The following NOVA1 variants were observed in gnomAD, a reference collection of about 807,000 sequenced individuals.
The protein encoded by NOVA1 is RNA-binding protein Nova-1.
In NOVA1, 7 loss-of-function variants were observed where a neutral mutation model predicts 38.0. That is an observed-to-expected ratio of 0.18 (90% confidence interval 0.10 to 0.35). The LOEUF is 0.35. Ranked by LOEUF, NOVA1 falls within the 10% of genes least tolerant of loss-of-function variation. The pLI is 1.00. For synonymous variants in NOVA1, 270 were observed against 232.5 expected (o/e 1.16, Z -1.47); for missense variants, 460 against 616.0 (o/e 0.75, Z 2.68).
chr14:26,491,446 C>G (rs2138356209), intron 2 of NOVA1, among the ~76,000 whole-genome samples: 1 of 152,224 alleles, frequency 6.6e-6, no homozygotes, highest in East Asian at 1.9e-4. Flanking sequence ...CTTTGATGCA[C>G]AGAAGTTTTA....
At chr14:26,450,210 A>T (rs1231734077) in intron 4 of NOVA1, among the ~76,000 whole-genome samples, 1 of 152,128 alleles carries the variant, frequency 6.6e-6, no homozygotes, top group Non-Finnish European at 1.5e-5. Context: ...TCATTAGCTA[A>T]TTTTTAGCAA....
intron 2 of NOVA1, chr14:26,593,290 C>G (rs1893973686): frequency 6.6e-6 from 1 of 151,716 alleles, no homozygotes; most frequent in Non-Finnish European, 1.5e-5. Context: ...TTGAAGAATA[C>G]CGGGATCTTA....
chr14:26,556,862 C>G (rs538797187), intron 2 of NOVA1, among the ~76,000 whole-genome samples: 1 of 152,054 alleles, frequency 6.6e-6, no homozygotes, highest in Non-Finnish European at 1.5e-5. Context: ...AAAAAGCGTA[C>G]GAAAAGATGC....
rs77021748 is a variant in NOVA1, at chr14:26,497,542, T to C, written c.281-17399A>G. 1.2e-4 allele frequency among the ~76,000 whole-genome samples: 19 copies of C among 152,316 alleles called. No individual in the cohort carries two copies. The East Asian group carries it at 3.5e-3, about 28-fold the overall frequency. ...GGATTATCACATAATGCTCCCTTACTGAAATGTATTAATGAATATACCTAC... is the reference window on the plus strand; with the variant it reads ...GGATTATCACATAATGCTCCCTTACCGAAATGTATTAATGAATATACCTAC... On this transcript the variant is annotated intron_variant, in intron 2 of 4. Coordinates refer to ENST00000539517, the MANE Select transcript of NOVA1 (RefSeq NM_002515.3).
intron 2 of NOVA1, chr14:26,593,227 T>C (rs1893968842): frequency 6.6e-6 from 1 of 151,832 alleles, no homozygotes; most frequent in East Asian, 1.9e-4. Flanking sequence ...ACAAGGTAAG[T>C]GTCCCTTACG....
chr14:26,478,582 A>C (rs1885180503), intron 3 of NOVA1, among the ~76,000 whole-genome samples: 1 of 151,972 alleles, frequency 6.6e-6, no homozygotes, highest in Non-Finnish European at 1.5e-5. Flanking sequence ...ACTCTGATTA[A>C]AGTCACAGTA....
intron 2 of NOVA1, among the ~76,000 whole-genome samples, chr14:26,514,139 T>A (rs1023607712): frequency 6.6e-6 from 1 of 151,724 alleles, no homozygotes; most frequent in Admixed American, 6.6e-5. Context: ...ACATTTAACA[T>A]TAGATAAATA....
intron 4 of NOVA1, among the ~76,000 whole-genome samples, chr14:26,461,058 T>C (rs563960967): frequency 2.6e-5 from 4 of 152,316 alleles, no homozygotes; most frequent in African/African-American, 9.6e-5. Flanking sequence ...CAAGAATTAC[T>C]GCAGCTATGG....
At chr14:26,574,023 C>CAT (rs1555330425) in intron 2 of NOVA1, among the ~76,000 whole-genome samples, 1 of 121,084 alleles carries the variant, frequency 8.3e-6, no homozygotes, top group African/African-American at 3.4e-5. Context: ...AAAGATTACA[C>CAT]TTTTTTTTTT....
intron 2 of NOVA1, among the ~76,000 whole-genome samples, chr14:26,516,224 A>G (rs373869862): frequency 1.3e-5 from 2 of 152,186 alleles, no homozygotes; most frequent in South Asian, 4.1e-4. Flanking sequence ...TGTTTGGCCA[A>G]TTTTTTATTG....
At chr14:26,523,006 C>T (rs1416071288) in intron 2 of NOVA1, among the ~76,000 whole-genome samples, 2 of 152,054 alleles carry the variant, frequency 1.3e-5, no homozygotes, top group Admixed American at 6.5e-5. Context: ...TATTCTCATC[C>T]GTAGTTGTTC....
At chr14:26,457,787 C>T (rs944359300) in intron 4 of NOVA1, among the ~76,000 whole-genome samples, 1 of 152,114 alleles carries the variant, frequency 6.6e-6, no homozygotes, top group African/African-American at 2.4e-5. Context: ...ATTGTCATCA[C>T]AGGAGAGGAT....
intron 2 of NOVA1, among the ~76,000 whole-genome samples, chr14:26,535,654 G>T (rs1890012948): frequency 6.6e-6 from 1 of 152,052 alleles, no homozygotes; most frequent in African/African-American, 2.4e-5. Context: ...CAGATGACTG[G>T]ATAAAGAAAA....
chr14:26,460,070 T>C (rs1369694437), intron 4 of NOVA1, among the ~76,000 whole-genome samples: 2 of 152,000 alleles, frequency 1.3e-5, no homozygotes, highest in African/African-American at 2.4e-5. Context: ...CTAAAGGCAA[T>C]ACTTATTTTA....
At chr14:26,460,325 T>G (rs1015128404) in intron 4 of NOVA1, among the ~76,000 whole-genome samples, 2 of 151,956 alleles carry the variant, frequency 1.3e-5, no homozygotes, top group African/African-American at 4.8e-5. Flanking sequence ...ATTTAAAAGA[T>G]TACTGAAACA....
chr14:26,542,539 GATA>G (rs1890527605), intron 2 of NOVA1, among the ~76,000 whole-genome samples: 1 of 151,600 alleles, frequency 6.6e-6, no homozygotes, highest in East Asian at 1.9e-4. Flanking sequence ...AAAATAACAG[GATA>G]ATGTCTGAAT....
intron 2 of NOVA1, among the ~76,000 whole-genome samples, chr14:26,530,450 A>C (rs996708640): frequency 1.3e-5 from 2 of 152,218 alleles, no homozygotes; most frequent in Non-Finnish European, 2.9e-5. Flanking sequence ...AGAAAAATAC[A>C]CCTACAAATG....
intron 4 of NOVA1, among the ~76,000 whole-genome samples, chr14:26,467,677 T>C (rs1884253628): frequency 6.6e-6 from 1 of 152,086 alleles, no homozygotes; most frequent in African/African-American, 2.4e-5. Flanking sequence ...AAAGGAAGAA[T>C]GAAGTTTAAT....
chr14:26,583,325 C>T (rs1893330698), intron 2 of NOVA1, among the ~76,000 whole-genome samples: 1 of 151,740 alleles, frequency 6.6e-6, no homozygotes, highest in African/African-American at 2.4e-5. Flanking sequence ...TTATTTCTCA[C>T]TTTATAAACA....
Sources: allele counts gnomAD v4.1 joint callset (sites outside exome capture counted in the v4.1 genomes callset), GRCh38; gene constraint gnomAD v4.1.1; transcripts MANE v1.5; gene names NCBI Gene and HGNC (gene_info 2026-07-23, HGNC 2026-07-21).